SDK2: variants seen among roughly 807,000 people sequenced by gnomAD.
The protein encoded by SDK2 is sidekick cell adhesion molecule 2.
A neutral mutation model predicts 253.9 loss-of-function variants in SDK2; 105 were observed. The ratio of observed to expected loss-of-function variants is 0.41; its 90% confidence interval spans 0.35 to 0.49. The LOEUF is 0.49. SDK2 is among the 20% of genes least tolerant of loss of function. The probability of loss-of-function intolerance (pLI) is 0.06; values close to 1 mark genes in which losing one functional copy is unlikely to be tolerated. For missense variants in SDK2, 2,608 were observed against 3,003.0 expected, an observed-to-expected ratio of 0.87 and a Z score of 3.07; for synonymous variants, 1,249 against 1,234.9, an observed-to-expected ratio of 1.01 and a Z score of -0.24.
intron 29 of SDK2, 61 bp from the exon 30 acceptor site, chr17:73,388,098 G>T: frequency 1.7e-6 from 2 of 1,200,342 alleles, no homozygotes; most frequent in Non-Finnish European, 2.4e-6. Flanking sequence ...GAGGGGGCTG[G>T]ACTTTCTCGA....
intron 1 of SDK2, among the ~76,000 whole-genome samples, chr17:73,584,831 C>T (rs774865065): frequency 6.6e-6 from 1 of 152,256 alleles, no homozygotes; most frequent in Non-Finnish European, 1.5e-5. Flanking sequence ...CTCCTGCCAC[C>T]ACATCCCTGG....
At chr17:73,562,656 G>A (rs2045254639) in intron 1 of SDK2, among the ~76,000 whole-genome samples, 1 of 152,104 alleles carries the variant, frequency 6.6e-6, no homozygotes, top group Non-Finnish European at 1.5e-5. Flanking sequence ...ATGGGGAGAT[G>A]AGGATGAGAC....
At chr17:73,399,637 G>A (rs1199417768) in intron 21 of SDK2, among the ~76,000 whole-genome samples, 2 of 152,150 alleles carry the variant, frequency 1.3e-5, no homozygotes, top group Non-Finnish European at 2.9e-5. Context: ...TTAAAACCAA[G>A]CTGTGCTGAG....
At chr17:73,503,678 A>T (rs1313045376) in intron 2 of SDK2, among the ~76,000 whole-genome samples, 1 of 152,096 alleles carries the variant, frequency 6.6e-6, no homozygotes, top group African/African-American at 2.4e-5. Context: ...AACAACTTTC[A>T]CCCTTCTTCC....
chr17:73,355,327 G>A (rs2062582852), intron 40 of SDK2, among the ~76,000 whole-genome samples: 2 of 148,720 alleles, frequency 1.3e-5, no homozygotes, highest in South Asian at 2.2e-4. Flanking sequence ...ATAGGCACCC[G>A]CCACCACGCC....
At chr17:73,545,048 C>T (rs1486294828) in intron 1 of SDK2, among the ~76,000 whole-genome samples, 2 of 151,144 alleles carry the variant, frequency 1.3e-5, no homozygotes, top group Admixed American at 1.3e-4. Context: ...TAAAGATTTT[C>T]ATAGTATGTG....
chr17:73,398,394 C>T lies in SDK2; in HGVS notation c.3129G>A (p.Leu1043=). The T allele has an allele frequency of 1.9e-6, 3 of 1,613,938 alleles. No individual in the cohort carries two copies. Among genetic ancestry groups the T allele is most frequent in the Non-Finnish European group, 2.5e-6 (3 of 1,179,848 alleles). ...GVVGEGEEWL[L]IHQLSNEPDA... is the part of the protein sequence containing the mutation. ...CGGGCTCATTGGAGAGCTGGTGGATCAGCAACCACTCCTCTCCCTCCCCAA... is the reference window on the plus strand; with the variant it reads ...CGGGCTCATTGGAGAGCTGGTGGATTAGCAACCACTCCTCTCCCTCCCCAA... The change falls in exon 23 of 45, where the codon CTG becomes CTA. Residue 1043 remains leucine (L), a synonymous_variant. Transcript: ENST00000392650.
chr17:73,359,170 T>TG (rs548569028), intron 39 of SDK2, among the ~76,000 whole-genome samples: 6 of 151,874 alleles, frequency 4.0e-5, no homozygotes, highest in African/African-American at 1.2e-4. Context: ...AGTGCATGAG[T>TG]GGGTGGCCAC....
intron 16 of SDK2, among the ~76,000 whole-genome samples, chr17:73,417,840 T>A (rs1158495295): frequency 6.6e-6 from 1 of 151,938 alleles, no homozygotes; most frequent in Non-Finnish European, 1.5e-5. Flanking sequence ...TACAAGCAAA[T>A]TTTGGGGGTC....
At position 73,447,945 on chromosome 17, in the gene SDK2, C is replaced by T. The variant is rs1031199229; in HGVS notation, c.480-197G>A. ...TTTAGTTTGCAGAGAATGCTAAACA[C>T]GGTGCTGATGCTGTCAACCAGACCC... On this transcript the variant is annotated intron_variant, in intron 4 of 44. Coordinates refer to ENST00000392650, the MANE Select transcript of SDK2 (RefSeq NM_001144952.2). This position sits in a 1 kb window ranked among gnomAD's most constrained non-coding sequence, Gnocchi z 4.0. Among the ~76,000 whole-genome samples, 14 of 152,146 alleles carry T rather than the reference C, an allele frequency of 9.2e-5. No individual in the cohort carries two copies. The highest frequency in any genetic ancestry group is 3.1e-4 in the African/African-American group (13 of 41,528).
At chr17:73,444,673 A>G (rs1350141692) in intron 5 of SDK2, among the ~76,000 whole-genome samples, 2 of 152,050 alleles carry the variant, frequency 1.3e-5, no homozygotes, top group Admixed American at 6.5e-5. Flanking sequence ...CATGTGACCC[A>G]CCTGTGCCAC....
intron 37 of SDK2, among the ~76,000 whole-genome samples, chr17:73,366,298 G>C (rs751167006): frequency 3.9e-5 from 6 of 152,184 alleles, no homozygotes; most frequent in Non-Finnish European, 7.3e-5. Context: ...GGGTTCCCTG[G>C]GGTTCGCATC....
rs1414081864 is a variant in SDK2 at position 73,335,266 on chromosome 17, G to A, written c.*3321C>T. 1 of 152,546 alleles carries A rather than the reference G, an allele frequency of 6.6e-6. No homozygotes were observed. The highest frequency in any genetic ancestry group is 1.9e-4 in the East Asian group (1 of 5,194). 9.4% of individuals were successfully genotyped at this position (152,546 alleles called of 1,614,324 possible). A position where few individuals can be genotyped will look rare whatever the true frequency, so the allele number is the denominator to read the frequency against. On this transcript the variant is annotated 3_prime_UTR_variant, in exon 45 of 45. Coordinates refer to ENST00000392650, the MANE Select transcript of SDK2 (RefSeq NM_001144952.2). ...GCGCAGCCAGGAAGGGGAAAGCCCT[G>A]GTGTGCCCAGCATGGGCTCCTGGGT...
intron 44 of SDK2, among the ~76,000 whole-genome samples, chr17:73,342,419 G>A (rs1484665320): frequency 2.0e-5 from 3 of 152,180 alleles, no homozygotes; most frequent in Non-Finnish European, 4.4e-5. Context: ...TATGCCGAGC[G>A]GGGGCACCTG....
intron 38 of SDK2, among the ~76,000 whole-genome samples, chr17:73,362,061 C>T (rs1482598362): frequency 5.9e-5 from 9 of 152,168 alleles, no homozygotes; most frequent in African/African-American, 1.7e-4. Context: ...TCAGGGAGAA[C>T]GGCTCCATGG....
At chr17:73,557,824 T>A (rs1265447481) in intron 1 of SDK2, among the ~76,000 whole-genome samples, 2 of 152,182 alleles carry the variant, frequency 1.3e-5, no homozygotes, top group Admixed American at 1.3e-4. Context: ...TTCCTTAAAC[T>A]CTGTGAGTCC....
Position 73,440,904 on chromosome 17 carries a change from G to A in SDK2, c.633C>T (p.Asp211=). The part of the protein sequence containing the change: ...LTVENVGGPA[D]PIAPTIIIPP... ...GGATGATGATGGTGGGTGCGATGGG[G>A]TCTGCAGGCCCCCCTACATCTGGAG... Residue 211 remains aspartate (D), a synonymous_variant, in exon 6 of 45, where the codon GAC becomes GAT. Transcript: ENST00000392650. The A allele has an allele frequency of 1.3e-6, 2 of 1,551,334 alleles. No homozygotes were observed. Among genetic ancestry groups the A allele is most frequent in the East Asian group, 2.4e-5 (1 of 40,922 alleles).
intron 1 of SDK2, among the ~76,000 whole-genome samples, chr17:73,566,357 T>C (rs894348710): frequency 9.1e-6 from 1 of 110,440 alleles, no homozygotes; most frequent in Non-Finnish European, 1.9e-5. Flanking sequence ...GTGTGTGTGT[T>C]ACCCAGTCTC....
Position 73,361,764 on chromosome 17 carries a change from G to T in SDK2, c.5387C>A (p.Thr1796Asn). ...LKVKDLAEGV[T>N]YRFRIRAKTF... The stretch of plus-strand genomic sequence containing the variant: ...CTTGGCTCTGATGCGGAACCTGTAG[G>T]TCACCCCCTCCGCCAGGTCCTTCAC... The change falls in exon 39 of 45, where the codon ACC becomes AAC. Residue 1796 changes from threonine to asparagine, a missense_variant. By Grantham distance (65) the Thr-to-Asn change is moderately conservative. This residue lies in a region of SDK2 where 1,103 missense variants were observed against 1,143.9 expected (regional missense o/e 0.96). Coordinates refer to ENST00000392650, the MANE Select transcript of SDK2 (RefSeq NM_001144952.2). The surrounding 1 kb of genome is among the most constrained non-coding windows in gnomAD (Gnocchi z 4.1). 6.2e-7 allele frequency: 1 copy of T among 1,613,532 alleles called. No individual in the cohort carries two copies. Among genetic ancestry groups the T allele is most frequent in the Non-Finnish European group, 8.5e-7 (1 of 1,179,618 alleles).
Sources: gnomAD v4.1 joint callset for allele counts (sites outside exome capture counted in the v4.1 genomes callset) on GRCh38, gnomAD v4.1.1 for gene constraint, gnomAD v4.1.1 regional missense constraint, Gnocchi (gnomAD v3.1) non-coding constraint, MANE v1.5 for transcripts, NCBI Gene and HGNC (gene_info 2026-07-23, HGNC 2026-07-21) for gene names.